Variants in DNER observed in about 807,000 individuals in gnomAD.
The protein encoded by DNER is delta and Notch-like epidermal growth factor-related receptor.
In DNER, 33 loss-of-function variants were observed where a neutral mutation model predicts 78.2. That is an observed-to-expected ratio of 0.42 (90% CI 0.32 to 0.56). The LOEUF (loss-of-function observed/expected upper bound fraction) is 0.56, where lower values mean the gene tolerates loss of function less well. Among genes scored for constraint, DNER ranks in the 20% least tolerant of loss-of-function variants. The pLI, the probability that DNER is intolerant of heterozygous loss-of-function variation, is 0.11. For synonymous variants in DNER, 417 were observed against 384.8 expected, an observed-to-expected ratio of 1.08 and a Z score of -0.98; for missense variants, 918 against 975.3, an observed-to-expected ratio of 0.94 and a Z score of 0.78.
intron 6 of DNER, among the ~76,000 whole-genome samples, chr2:229,478,482 C>G (rs1375091187): frequency 6.6e-6 from 1 of 152,156 alleles, no homozygotes; most frequent in Non-Finnish European, 1.5e-5. Context: ...GTAGGAGATT[C>G]TAGCTAATTC....
At chr2:229,607,750 C>T (rs1193994836) in intron 1 of DNER, among the ~76,000 whole-genome samples, 2 of 152,020 alleles carry the variant, frequency 1.3e-5, no homozygotes, top group African/African-American at 2.4e-5. Context: ...AGGATGGGCG[C>T]GATAGCTCAC....
intron 4 of DNER, among the ~76,000 whole-genome samples, chr2:229,582,818 T>G (rs1172789330): frequency 6.6e-6 from 1 of 152,082 alleles, no homozygotes; most frequent in Non-Finnish European, 1.5e-5. Context: ...TTCTTGTATT[T>G]TTAGTAGAGA....
chr2:229,637,863 C>G (rs1232851935), intron 1 of DNER, among the ~76,000 whole-genome samples: 1 of 152,134 alleles, frequency 6.6e-6, no homozygotes, highest in African/African-American at 2.4e-5. Flanking sequence ...TATGGAAATA[C>G]CATCATGTTT....
intron 7 of DNER, among the ~76,000 whole-genome samples, chr2:229,476,208 G>A (rs1175205371): frequency 6.6e-6 from 1 of 152,086 alleles, no homozygotes; most frequent in African/African-American, 2.4e-5. Flanking sequence ...ACAAGAACCT[G>A]CCCTTCTTTA....
chr2:229,366,320 G>T (rs1574807671), intron 12 of DNER, among the ~76,000 whole-genome samples: 1 of 152,184 alleles, frequency 6.6e-6, no homozygotes, highest in Non-Finnish European at 1.5e-5. Context: ...ACCGAGTCAG[G>T]TAACGGAGTC....
intron 7 of DNER, among the ~76,000 whole-genome samples, chr2:229,460,228 T>A (rs1694667096): frequency 6.6e-6 from 1 of 150,908 alleles, no homozygotes; most frequent in Non-Finnish European, 1.5e-5. Context: ...TACCAACTCC[T>A]TATAAAATCA....
rs570359692 is a variant in DNER at position 229,470,996 on chromosome 2, C to T, written c.1261+6144G>A. Among the ~76,000 whole-genome samples the T allele has an allele frequency of 1.9e-4, 29 of 152,040 alleles. No homozygotes were observed. In the East Asian group the frequency reaches 3.7e-3, roughly 19 times the overall value. ...ATGAAGTGGTGATTTAGGGATAATGCCAAATTTTGAAAGAACAAGAACAGC... is the reference window on the plus strand; with the variant it reads ...ATGAAGTGGTGATTTAGGGATAATGTCAAATTTTGAAAGAACAAGAACAGC... On this transcript the variant is annotated intron_variant, in intron 7 of 12. Coordinates refer to ENST00000341772, the MANE Select transcript of DNER (RefSeq NM_139072.4).
chr2:229,586,587 G>A (rs2154214471), intron 3 of DNER: 1 of 619,572 alleles, frequency 1.6e-6, no homozygotes, highest in Non-Finnish European at 1.9e-6. Context: ...GGATGTCACA[G>A]AAAGCCCATC....
chr2:229,610,764 A>G (rs1033334464), intron 1 of DNER, among the ~76,000 whole-genome samples: 1 of 152,252 alleles, frequency 6.6e-6, no homozygotes, highest in African/African-American at 2.4e-5. Context: ...TATGCATCTT[A>G]AAGAACCATA....
intron 9 of DNER, among the ~76,000 whole-genome samples, chr2:229,409,738 G>C (rs1405203531): frequency 6.6e-6 from 1 of 152,028 alleles, no homozygotes; most frequent in Non-Finnish European, 1.5e-5. Context: ...AGAGTTCTCT[G>C]GCAGCAAGAC....
At chr2:229,522,356 A>G (rs927705182) in intron 5 of DNER, among the ~76,000 whole-genome samples, 1 of 152,228 alleles carries the variant, frequency 6.6e-6, no homozygotes, top group African/African-American at 2.4e-5. Context: ...AGTGGTTATA[A>G]TTAGGCATAC....
At chr2:229,439,273 T>A (rs780996600) in intron 8 of DNER, among the ~76,000 whole-genome samples, 1 of 152,186 alleles carries the variant, frequency 6.6e-6, no homozygotes. Context: ...GAACCTCATA[T>A]AAAAAGAATA....
intron 1 of DNER, among the ~76,000 whole-genome samples, chr2:229,703,481 C>A (rs1388217184): frequency 6.6e-6 from 1 of 152,134 alleles, no homozygotes. Flanking sequence ...TTGGGTTAGG[C>A]AAAGATCTCT....
chr2:229,460,456 A>G (rs1024768936), intron 7 of DNER, among the ~76,000 whole-genome samples: 7 of 152,010 alleles, frequency 4.6e-5, no homozygotes, highest in African/African-American at 1.7e-4. Flanking sequence ...TATATAAATT[A>G]TTATTTCTTT....
intron 7 of DNER, among the ~76,000 whole-genome samples, chr2:229,452,345 C>T (rs947830713): frequency 2.0e-4 from 30 of 152,032 alleles, no homozygotes; most frequent in African/African-American, 5.6e-4. Context: ...ATGGAAGAGA[C>T]GACAGAGCCC....
At chr2:229,503,290 A>G (rs950499748) in intron 6 of DNER, among the ~76,000 whole-genome samples, 2 of 151,900 alleles carry the variant, frequency 1.3e-5, no homozygotes, top group African/African-American at 4.8e-5. Context: ...ATGTAACCTT[A>G]CCCTACACGA....
rs1008340960 is a variant in DNER at position 229,429,498 on chromosome 2, C to T, written c.1487-11268G>A. Reference sequence around the variant, plus strand: ...GGGAAGCATTAAGCACAATGCCTGGCGTAAGCACATCATGATGTGATGTGT... The same window carrying T: ...GGGAAGCATTAAGCACAATGCCTGGTGTAAGCACATCATGATGTGATGTGT... On this transcript the variant is annotated intron_variant, in intron 8 of 12. Coordinates refer to ENST00000341772, the MANE Select transcript of DNER (RefSeq NM_139072.4). 2.6e-5 allele frequency among the ~76,000 whole-genome samples: 4 copies of T among 152,132 alleles called. No homozygotes were observed. The East Asian group carries it at 7.7e-4, about 29-fold the overall frequency.
At chr2:229,483,468 A>G (rs1695208433) in intron 6 of DNER, among the ~76,000 whole-genome samples, 1 of 152,236 alleles carries the variant, frequency 6.6e-6, no homozygotes, top group Non-Finnish European at 1.5e-5. Flanking sequence ...GAGAGAATCT[A>G]TCACACTTAT....
chr2:229,542,285 C>T (rs1696530968), intron 5 of DNER, among the ~76,000 whole-genome samples: 1 of 151,968 alleles, frequency 6.6e-6, no homozygotes, highest in Non-Finnish European at 1.5e-5. Context: ...CCCTTGGTAA[C>T]ACGAAAGCAG....
Sources: gnomAD v4.1 joint callset for allele counts (sites outside exome capture counted in the v4.1 genomes callset) on GRCh38, gnomAD v4.1.1 for gene constraint, MANE v1.5 for transcripts, NCBI Gene and HGNC (gene_info 2026-07-23, HGNC 2026-07-21) for gene names.